Variants in NRXN3 observed in about 807,000 individuals in gnomAD.
The protein encoded by NRXN3 is neurexin 3, also known as neurexin III.
In NRXN3, 32 loss-of-function variants were observed where a neutral mutation model predicts 137.6. That is an observed-to-expected ratio of 0.23 (90% CI 0.18 to 0.31). The LOEUF is 0.31. Among genes scored for constraint, NRXN3 ranks in the 10% least tolerant of loss-of-function variants. The pLI, the probability that NRXN3 is intolerant of heterozygous loss-of-function variation, is 1.00. For synonymous variants in NRXN3, 798 were observed against 784.5 expected (o/e 1.02, Z -0.29); for missense variants, 1,574 against 2,062.5 (o/e 0.76, Z 4.59).
intron 15 of NRXN3, among the ~76,000 whole-genome samples, chr14:79,059,039 A>G (rs1371331350): frequency 1.3e-5 from 2 of 152,138 alleles, no homozygotes; most frequent in African/African-American, 4.8e-5. Flanking sequence ...CTAATACAGT[A>G]TGTAAAAATG....
At chr14:79,813,222 T>C (rs965696146) in intron 20 of NRXN3, among the ~76,000 whole-genome samples, 2 of 152,198 alleles carry the variant, frequency 1.3e-5, no homozygotes, top group Admixed American at 1.3e-4. Flanking sequence ...ATGTTGATTT[T>C]TCTTTAAGAT....
intron 16 of NRXN3, among the ~76,000 whole-genome samples, chr14:79,560,503 G>GTTTTTTTTTTTT (rs1567504638): frequency 1.3e-4 from 5 of 39,560 alleles, no homozygotes; most frequent in Non-Finnish European, 2.2e-4. Flanking sequence ...AAGATTGTAA[G>GTTTTTTTTTTTT]CTTTTTTTTT....
intron 15 of NRXN3, among the ~76,000 whole-genome samples, chr14:79,169,905 G>T (rs1481996615): frequency 1.3e-5 from 2 of 152,018 alleles, no homozygotes; most frequent in African/African-American, 2.4e-5. Context: ...CAATCCACAG[G>T]TGAGATTGAG....
chr14:79,047,988 C>G (rs1328078405), intron 15 of NRXN3, among the ~76,000 whole-genome samples: 1 of 152,060 alleles, frequency 6.6e-6, no homozygotes, highest in Non-Finnish European at 1.5e-5. Context: ...CACATTAGCT[C>G]TTTAATAGTC....
intron 20 of NRXN3, among the ~76,000 whole-genome samples, chr14:79,810,969 T>C (rs2099230333): frequency 6.6e-6 from 1 of 152,220 alleles, no homozygotes; most frequent in South Asian, 2.1e-4. Context: ...TTTGTGTCTT[T>C]GTCAAGTTTG....
intron 1 of NRXN3, among the ~76,000 whole-genome samples, chr14:78,190,700 G>C (rs1356102464): frequency 1.3e-5 from 2 of 151,638 alleles, no homozygotes; most frequent in Admixed American, 6.6e-5. Context: ...TACTTACTGA[G>C]TCTCACTCTG....
intron 15 of NRXN3, among the ~76,000 whole-genome samples, chr14:79,139,833 C>A (rs561479256): frequency 6.6e-6 from 1 of 151,650 alleles, no homozygotes; most frequent in South Asian, 2.1e-4. Flanking sequence ...TTAACTCCAC[C>A]TTTAAAATTA....
Position 78,315,046 on chromosome 14 carries a change from C to T in NRXN3, c.757+17186C>T, listed in dbSNP as rs554497588. 2.7e-5 allele frequency among the ~76,000 whole-genome samples: 4 copies of T among 150,042 alleles called. 1 individual carries two copies. The South Asian group carries it at 8.5e-4, about 32-fold the overall frequency. Reference sequence around the variant, plus strand: ...TTTTTTTTTGAGACAGGGTCTTGCTCTGTCACCCAGGCTGGAGTGCAGTGG... The same window carrying T: ...TTTTTTTTTGAGACAGGGTCTTGCTTTGTCACCCAGGCTGGAGTGCAGTGG... On this transcript the variant is annotated intron_variant, in intron 4 of 20. Coordinates refer to ENST00000335750, the MANE Select transcript of NRXN3 (RefSeq NM_001330195.2).
intron 14 of NRXN3, among the ~76,000 whole-genome samples, chr14:78,987,528 C>T (rs890452410): frequency 1.3e-5 from 2 of 150,520 alleles, no homozygotes; most frequent in African/African-American, 4.9e-5. Context: ...TCCTTCTTCT[C>T]CTTCTCTTCC....
At chr14:79,516,030 G>A (rs1222595756) in intron 16 of NRXN3, among the ~76,000 whole-genome samples, 1 of 152,132 alleles carries the variant, frequency 6.6e-6, no homozygotes, top group Non-Finnish European at 1.5e-5. Flanking sequence ...AAGCTAAACT[G>A]CCCCTAGAGA....
At chr14:79,688,711 C>A (rs2098704773) in intron 17 of NRXN3, among the ~76,000 whole-genome samples, 1 of 152,142 alleles carries the variant, frequency 6.6e-6, no homozygotes, top group African/African-American at 2.4e-5. Flanking sequence ...GGCTTCAATA[C>A]TTTCACCTCA....
chr14:79,007,078 A>AC (rs1397485345), intron 15 of NRXN3, among the ~76,000 whole-genome samples: 1 of 151,828 alleles, frequency 6.6e-6, no homozygotes, highest in Non-Finnish European at 1.5e-5. Context: ...AACCACTCCC[A>AC]CCCCCCAACA....
At chr14:78,640,696 T>A (rs2097617126) in intron 4 of NRXN3, among the ~76,000 whole-genome samples, 1 of 152,226 alleles carries the variant, frequency 6.6e-6, no homozygotes, top group Non-Finnish European at 1.5e-5. Context: ...ATATATCTTA[T>A]ACAAACTGAT....
chr14:78,665,081 C>A (rs2097871836), intron 6 of NRXN3, among the ~76,000 whole-genome samples: 1 of 152,000 alleles, frequency 6.6e-6, no homozygotes, highest in Non-Finnish European at 1.5e-5. Context: ...AAGTCTATGA[C>A]CCTATGGAAT....
chr14:78,539,714 A>G (rs532042622), intron 4 of NRXN3, among the ~76,000 whole-genome samples: 47 of 152,214 alleles, frequency 3.1e-4, no homozygotes, highest in African/African-American at 1.1e-3. Flanking sequence ...GGTGTCGATT[A>G]TAGATCCTTC....
At chr14:78,296,412 A>G (rs944000299) in intron 3 of NRXN3, among the ~76,000 whole-genome samples, 1 of 152,090 alleles carries the variant, frequency 6.6e-6, no homozygotes, top group African/African-American at 2.4e-5. Context: ...TCCCCTTGCC[A>G]CATACTCCAA....
intron 4 of NRXN3, among the ~76,000 whole-genome samples, chr14:78,472,741 A>AT (rs1178432153): frequency 6.6e-6 from 1 of 152,026 alleles, no homozygotes; most frequent in Non-Finnish European, 1.5e-5. Flanking sequence ...GTTGGAGTTT[A>AT]TTTTGGGAAA....
At chr14:78,662,321 T>C (rs1294007979) in intron 6 of NRXN3, among the ~76,000 whole-genome samples, 1 of 151,758 alleles carries the variant, frequency 6.6e-6, no homozygotes, top group Non-Finnish European at 1.5e-5. Context: ...TCATTTAACC[T>C]GAGAAAGTGA....
chr14:78,717,263 A>C, intron 8 of NRXN3, among the ~76,000 whole-genome samples: 1 of 152,194 alleles, frequency 6.6e-6, no homozygotes, highest in Non-Finnish European at 1.5e-5. Flanking sequence ...GAGTTGGTCC[A>C]AAACTTGCCA....
Sources: gnomAD v4.1 joint callset for allele counts (sites outside exome capture counted in the v4.1 genomes callset) on GRCh38, gnomAD v4.1.1 for gene constraint, MANE v1.5 for transcripts, NCBI Gene and HGNC (gene_info 2026-07-23, HGNC 2026-07-21) for gene names.